Variants in CTNNA2 observed in about 807,000 individuals in gnomAD.
The protein encoded by CTNNA2 is catenin alpha-2.
In CTNNA2, 42 loss-of-function variants were observed where a neutral mutation model predicts 101.0. The observed-to-expected ratio is 0.42, with a 90% CI of 0.32 to 0.54. CTNNA2 has a LOEUF of 0.54. CTNNA2 is among the 20% of genes least tolerant of loss of function. The pLI is 0.14. For synonymous variants in CTNNA2, 450 were observed against 456.4 expected, an observed-to-expected ratio of 0.99 and a Z score of 0.18; for missense variants, 871 against 1,223.1, an observed-to-expected ratio of 0.71 and a Z score of 4.29.
At chr2:79,246,670 A>G (rs1178674373) in intron 2 of CTNNA2, among the ~76,000 whole-genome samples, 1 of 152,240 alleles carries the variant, frequency 6.6e-6, no homozygotes, top group Non-Finnish European at 1.5e-5. Flanking sequence ...AGGTTTACAT[A>G]TCAGCATTCT....
rs77539124 is a variant in CTNNA2 at position 80,208,050 on chromosome 2, G to T, written c.1057-185161G>T. Among the ~76,000 whole-genome samples the T allele has an allele frequency of 9.4e-3, 1,429 of 152,280 alleles. 23 individuals are homozygous for T. The highest frequency in any genetic ancestry group is 0.033 in the African/African-American group (1,356 of 41,560). ...TGGATCTGGATAAGTAGCTCAGAGA[G>T]AAGTCAGATGTGTTTCCAGAAAATG... On this transcript the variant is annotated intron_variant, in intron 7 of 18. Transcript: ENST00000402739.
At chr2:80,500,896 C>G (rs1687829955) in intron 9 of CTNNA2, among the ~76,000 whole-genome samples, 1 of 151,792 alleles carries the variant, frequency 6.6e-6, no homozygotes, top group Non-Finnish European at 1.5e-5. Context: ...CTCCAGAAGG[C>G]TCATTTTCTA....
chr2:79,692,456 G>A (rs1180604619), intron 2 of CTNNA2, among the ~76,000 whole-genome samples: 1 of 152,150 alleles, frequency 6.6e-6, no homozygotes, highest in East Asian at 1.9e-4. Flanking sequence ...GTGGAAGACA[G>A]TGTGGCATAT....
At chr2:80,073,314 A>C (rs1471966860) in intron 7 of CTNNA2, among the ~76,000 whole-genome samples, 1 of 152,172 alleles carries the variant, frequency 6.6e-6, no homozygotes, top group African/African-American at 2.4e-5. Flanking sequence ...TTGCTGTGGA[A>C]GTCTGTCCTG....
intron 2 of CTNNA2, among the ~76,000 whole-genome samples, chr2:79,202,664 G>A (rs1056423061): frequency 2.6e-5 from 4 of 152,116 alleles, no homozygotes; most frequent in African/African-American, 9.7e-5. Flanking sequence ...TACATCCCTT[G>A]TACTAGGTGA....
chr2:80,018,779 TAA>T (rs11374204), intron 7 of CTNNA2, among the ~76,000 whole-genome samples: 36 of 123,878 alleles, frequency 2.9e-4, no homozygotes, highest in Admixed American at 5.0e-4. Context: ...AGACTCTGTG[TAA>T]AAAAAAAAAA....
intron 9 of CTNNA2, among the ~76,000 whole-genome samples, chr2:80,460,699 C>G (rs1684350852): frequency 6.6e-6 from 1 of 152,066 alleles, no homozygotes; most frequent in Admixed American, 6.6e-5. Context: ...CAATTTAATT[C>G]AACTGTAAGT....
chr2:79,403,913 A>G (rs1381475501), intron 4 of CTNNA2, among the ~76,000 whole-genome samples: 1 of 152,028 alleles, frequency 6.6e-6, no homozygotes, highest in Non-Finnish European at 1.5e-5. Context: ...ACCTGGTTGT[A>G]TATATCAGAG....
At chr2:79,642,868 TAG>T (rs1680545501) in intron 1 of CTNNA2, among the ~76,000 whole-genome samples, 1 of 150,838 alleles carries the variant, frequency 6.6e-6, no homozygotes, top group African/African-American at 2.4e-5. Context: ...CCTCTTACAA[TAG>T]GGTATCCACA....
chr2:79,534,624 C>T (rs1473975157), intron 1 of CTNNA2, among the ~76,000 whole-genome samples: 3 of 151,762 alleles, frequency 2.0e-5, no homozygotes, highest in African/African-American at 7.3e-5. Context: ...TACTCTTAAC[C>T]CATGATCACC....
At chr2:79,316,323 T>C (rs1676496793) in intron 3 of CTNNA2, among the ~76,000 whole-genome samples, 1 of 152,088 alleles carries the variant, frequency 6.6e-6, no homozygotes, top group Non-Finnish European at 1.5e-5. Context: ...TTCTTATGCC[T>C]GTACCACACT....
At chr2:80,272,069 A>G (rs1673534491) in intron 7 of CTNNA2, among the ~76,000 whole-genome samples, 1 of 152,246 alleles carries the variant, frequency 6.6e-6, no homozygotes, top group Non-Finnish European at 1.5e-5. Flanking sequence ...TCCTATCAGC[A>G]AGTAGTATGT....
chr2:80,552,382 TG>T (rs2149650287), intron 11 of CTNNA2, among the ~76,000 whole-genome samples: 1 of 152,310 alleles, frequency 6.6e-6, no homozygotes, highest in South Asian at 2.1e-4. Flanking sequence ...AAGACATGCC[TG>T]TAGATTGTTT....
chr2:79,881,531 T>A (rs1490462756), intron 6 of CTNNA2, among the ~76,000 whole-genome samples: 1 of 152,174 alleles, frequency 6.6e-6, no homozygotes. Flanking sequence ...AATAGTTAGC[T>A]TTTCTTGTTG....
At chr2:79,436,879 C>T (rs1446378226) in intron 4 of CTNNA2, among the ~76,000 whole-genome samples, 2 of 152,034 alleles carry the variant, frequency 1.3e-5, no homozygotes, top group South Asian at 4.1e-4. Flanking sequence ...GATCCACCCT[C>T]CTCGGCCTCC....
intron 7 of CTNNA2, among the ~76,000 whole-genome samples, chr2:80,268,651 C>A: frequency 6.6e-6 from 1 of 152,170 alleles, no homozygotes; most frequent in East Asian, 1.9e-4. Flanking sequence ...CAAGAATAAT[C>A]TCAAGCTGCC....
intron 7 of CTNNA2, among the ~76,000 whole-genome samples, chr2:80,312,875 C>T (rs1280437062): frequency 2.6e-5 from 4 of 152,120 alleles, no homozygotes; most frequent in African/African-American, 7.2e-5. Context: ...ATGTGAGAGA[C>T]CAGATATAGA....
At chr2:79,755,826 G>C (rs1311646252) in intron 3 of CTNNA2, among the ~76,000 whole-genome samples, 2 of 152,112 alleles carry the variant, frequency 1.3e-5, no homozygotes, top group African/African-American at 4.8e-5. Context: ...TCAATTCTCA[G>C]AAGGTTTAAC....
At chr2:80,052,870 A>C (rs559345557) in intron 7 of CTNNA2, among the ~76,000 whole-genome samples, 1 of 152,340 alleles carries the variant, frequency 6.6e-6, no homozygotes, top group African/African-American at 2.4e-5. Flanking sequence ...TTATAAGTAC[A>C]GATGGGAGAG....
Sources: allele counts gnomAD v4.1 joint callset (sites outside exome capture counted in the v4.1 genomes callset), GRCh38; gene constraint gnomAD v4.1.1; transcripts MANE v1.5; gene names NCBI Gene and HGNC (gene_info 2026-07-23, HGNC 2026-07-21).